FGGY: variants seen among roughly 807,000 people sequenced by gnomAD.
The protein encoded by FGGY is FGGY carbohydrate kinase domain-containing protein.
In FGGY, 72 loss-of-function variants were observed where a neutral mutation model predicts 71.3. The observed-to-expected ratio is 1.01, with a 90% CI of 0.84 to 1.23. FGGY has a LOEUF of 1.23. FGGY is among the 50% of genes most tolerant of loss of function. The pLI, the probability that FGGY is intolerant of heterozygous loss-of-function variation, is 0.00. For synonymous variants in FGGY, 251 were observed against 250.3 expected, an observed-to-expected ratio of 1.00 and a Z score of -0.02; for missense variants, 668 against 682.3, an observed-to-expected ratio of 0.98 and a Z score of 0.23.
At chr1:59,379,198 C>T (rs1435329669) in intron 5 of FGGY, among the ~76,000 whole-genome samples, 3 of 151,124 alleles carry the variant, frequency 2.0e-5, no homozygotes, top group Non-Finnish European at 2.9e-5. Flanking sequence ...CACACAGAGT[C>T]ACGCATTCCT....
At chr1:59,579,790 C>G (rs2096154443) in intron 8 of FGGY, among the ~76,000 whole-genome samples, 1 of 152,158 alleles carries the variant, frequency 6.6e-6, no homozygotes, top group Non-Finnish European at 1.5e-5. Context: ...GAAAACTTGC[C>G]TCAGATTATG....
chr1:59,395,598 T>A (rs751604529), intron 5 of FGGY, among the ~76,000 whole-genome samples: 1 of 152,172 alleles, frequency 6.6e-6, no homozygotes. Flanking sequence ...TAGAAGAAAT[T>A]ATAATAATAA....
At chr1:59,744,683 A>T (rs1168412392) in intron 14 of FGGY, among the ~76,000 whole-genome samples, 1 of 152,262 alleles carries the variant, frequency 6.6e-6, no homozygotes, top group Non-Finnish European at 1.5e-5. Context: ...TGCTTTATAC[A>T]GATATCCTGG....
chr1:59,586,540 G>A (rs560366679), intron 8 of FGGY, among the ~76,000 whole-genome samples: 1 of 152,232 alleles, frequency 6.6e-6, no homozygotes, highest in South Asian at 2.1e-4. Flanking sequence ...ATAGCATTAG[G>A]AGATATACCT....
intron 4 of FGGY, among the ~76,000 whole-genome samples, chr1:59,364,777 C>T (rs1268356071): frequency 6.6e-6 from 1 of 152,124 alleles, no homozygotes; most frequent in African/African-American, 2.4e-5. Flanking sequence ...TAGGAAACAC[C>T]AGAGTTGAGT....
At chr1:59,495,391 C>T (rs935893000) in intron 6 of FGGY, among the ~76,000 whole-genome samples, 11 of 152,036 alleles carry the variant, frequency 7.2e-5, no homozygotes, top group Non-Finnish European at 1.5e-4. Context: ...ACATCTTCAT[C>T]GTGAAATCTT....
intron 8 of FGGY, among the ~76,000 whole-genome samples, chr1:59,586,812 A>G (rs1462383846): frequency 2.6e-5 from 4 of 152,230 alleles, no homozygotes; most frequent in African/African-American, 9.6e-5. Context: ...AGGAAGAAGC[A>G]GCCAAGATGG....
At chr1:59,491,053 T>TTCCTTTCCTTCCCTCCCTC (rs1570025870) in intron 6 of FGGY, among the ~76,000 whole-genome samples, 2 of 2,038 alleles carry the variant, frequency 9.8e-4, no homozygotes, top group African/African-American at 4.6e-3. Context: ...CTTCCTTCCT[T>TTCCTTTCCTTCCCTCCCTC]CCTTCCTTCC....
intron 5 of FGGY, among the ~76,000 whole-genome samples, chr1:59,409,856 G>A (rs1034448885): frequency 6.6e-6 from 1 of 152,032 alleles, no homozygotes; most frequent in Non-Finnish European, 1.5e-5. Flanking sequence ...ATTGTTTTAT[G>A]CAATATGCAT....
intron 3 of FGGY, among the ~76,000 whole-genome samples, chr1:59,341,571 C>G (rs947480860): frequency 6.6e-6 from 1 of 152,150 alleles, no homozygotes; most frequent in East Asian, 1.9e-4. Flanking sequence ...GTTCCAAGCC[C>G]TGTCTTAGCA....
At chr1:59,532,002 G>A (rs1460356653) in intron 7 of FGGY, among the ~76,000 whole-genome samples, 3 of 152,142 alleles carry the variant, frequency 2.0e-5, no homozygotes, top group Non-Finnish European at 4.4e-5. Context: ...TAGAAAATAA[G>A]CATGTAAAAT....
intron 5 of FGGY, among the ~76,000 whole-genome samples, chr1:59,413,897 G>T (rs913533318): frequency 8.5e-5 from 13 of 152,218 alleles, no homozygotes; most frequent in Non-Finnish European, 1.5e-4. Context: ...GGATGTGGAA[G>T]TTGTAGCAAG....
At chr1:59,595,675 G>C (rs1284798559) in intron 8 of FGGY, among the ~76,000 whole-genome samples, 1 of 152,104 alleles carries the variant, frequency 6.6e-6, no homozygotes, top group African/African-American at 2.4e-5. Flanking sequence ...GGGTGACAGA[G>C]TGAGACTCCA....
chr1:59,708,885 G>A (rs2097774114), intron 14 of FGGY, among the ~76,000 whole-genome samples: 1 of 152,150 alleles, frequency 6.6e-6, no homozygotes. Flanking sequence ...TTTGGATTTT[G>A]GATTAGGGAT....
intron 6 of FGGY, among the ~76,000 whole-genome samples, chr1:59,474,427 G>C (rs58578444): frequency 0.029 from 4,393 of 152,250 alleles, 206 homozygotes; most frequent in African/African-American, 0.1. Context: ...AATTTCCTTG[G>C]TCCTGCAGCA....
chr1:59,614,728 A>G (rs1041607531), intron 9 of FGGY, among the ~76,000 whole-genome samples: 17 of 152,324 alleles, frequency 1.1e-4, no homozygotes, highest in Middle Eastern at 3.4e-3. Flanking sequence ...TGTAGATGAC[A>G]TGATTGTATA....
chr1:59,639,454 A>G (rs2096996398), intron 11 of FGGY, among the ~76,000 whole-genome samples: 1 of 152,224 alleles, frequency 6.6e-6, no homozygotes, highest in Admixed American at 6.5e-5. Context: ...GCATGCCTAC[A>G]CAACAAATCA....
intron 7 of FGGY, among the ~76,000 whole-genome samples, chr1:59,516,739 G>T (rs1284948740): frequency 6.6e-6 from 1 of 152,150 alleles, no homozygotes; most frequent in African/African-American, 2.4e-5. Flanking sequence ...TTGCCACCCA[G>T]GAAGAGGCCA....
intron 7 of FGGY, among the ~76,000 whole-genome samples, chr1:59,550,601 G>A (rs2095594367): frequency 6.6e-6 from 1 of 152,158 alleles, no homozygotes; most frequent in African/African-American, 2.4e-5. Context: ...AATGGCTGAG[G>A]AAGGACCTCC....
Sources: allele counts gnomAD v4.1 joint callset (sites outside exome capture counted in the v4.1 genomes callset), GRCh38; gene constraint gnomAD v4.1.1; transcripts MANE v1.5; gene names NCBI Gene and HGNC (gene_info 2026-07-23, HGNC 2026-07-21).